Variants in PLEKHA3 observed in about 807,000 individuals in gnomAD.
PLEKHA3 encodes the protein pleckstrin homology domain-containing family A member 3.
A neutral mutation model predicts 39.2 loss-of-function variants in PLEKHA3; 19 were observed. That is an observed-to-expected ratio of 0.48 (90% CI 0.34 to 0.71). PLEKHA3 has a LOEUF of 0.71. PLEKHA3 is among the 30% of genes least tolerant of loss of function. The pLI, the probability that PLEKHA3 is intolerant of heterozygous loss-of-function variation, is 0.01. For synonymous variants in PLEKHA3, 97 were observed against 118.6 expected, an observed-to-expected ratio of 0.82 and a Z score of 1.18; for missense variants, 253 against 359.5, an observed-to-expected ratio of 0.70 and a Z score of 2.40.
At chr2:178,490,056 C>G (rs928139435) in intron 2 of PLEKHA3, among the ~76,000 whole-genome samples, 8 of 152,166 alleles carry the variant, frequency 5.3e-5, no homozygotes, top group Admixed American at 6.5e-5. Context: ...ATTGGCTCAT[C>G]ATAATTCCTG....
At chr2:178,491,079 C>T (rs1017046956) in intron 3 of PLEKHA3, among the ~76,000 whole-genome samples, 9 of 146,466 alleles carry the variant, frequency 6.1e-5, no homozygotes, top group Admixed American at 2.1e-4. Context: ...GGCGCGATCT[C>T]GGCTTACTGC....
rs1685598512 is a variant in PLEKHA3 at position 178,506,169 on chromosome 2, G to A, written c.*2282G>A. On this transcript the variant is annotated 3_prime_UTR_variant, in exon 8 of 8. Transcript: ENST00000234453. ...TCTATACTTTATAGAAAAATTATTG[G>A]TTATTATTAGTTATTAGTAGTCCCT... 6.6e-6 allele frequency: 1 copy of A among 152,006 alleles called. No homozygotes were observed. The highest frequency in any genetic ancestry group is 2.1e-4 in the South Asian group (1 of 4,826). The allele number at this position is 152,006 out of a possible 1,614,324, so 9.4% of individuals were successfully genotyped here. A position where few individuals can be genotyped will look rare whatever the true frequency, so the allele number is the denominator to read the frequency against.
Position 178,505,812 on chromosome 2 carries a change from T to C in PLEKHA3, c.*1925T>C, listed in dbSNP as rs1200970195. ...AAAATACAATGCAATTATTTCTGGT[T>C]TGTATCATTTTTTCCCCCTTAAAAC... On this transcript the variant is annotated 3_prime_UTR_variant, in exon 8 of 8. Coordinates refer to ENST00000234453, the MANE Select transcript of PLEKHA3 (RefSeq NM_019091.4). 1 of 152,104 alleles carries C rather than the reference T, an allele frequency of 6.6e-6. No individual in the cohort carries two copies. The highest frequency in any genetic ancestry group is 2.4e-5 in the African/African-American group (1 of 41,442). The allele number at this position is 152,104 out of a possible 1,614,324, so 9.4% of individuals were successfully genotyped here.
intron 4 of PLEKHA3, 152 bp from the exon 5 acceptor site, chr2:178,495,344 A>C: frequency 1.5e-6 from 1 of 672,072 alleles, no homozygotes. Context: ...TTTTTGCCCC[A>C]GCTTAATTTT....
Position 178,495,679 on chromosome 2 carries a change from G to T in PLEKHA3, c.615+19G>T. On this transcript the variant is annotated intron_variant, in intron 5 of 7. Transcript: ENST00000234453. ...TCAAATGGTTTGAACTTCTTGTTTTGGTTTTTTCCCTCAGTAGTAATGTTG... is the reference window on the plus strand; with the variant it reads ...TCAAATGGTTTGAACTTCTTGTTTTTGTTTTTTCCCTCAGTAGTAATGTTG... 2.5e-6 allele frequency: 4 copies of T among 1,573,802 alleles called. No individual in the cohort carries two copies. Among genetic ancestry groups the T allele is most frequent in the South Asian group, 1.2e-5 (1 of 86,218 alleles).
chr2:178,500,288 TACTC>T (rs1387500169), intron 6 of PLEKHA3, among the ~76,000 whole-genome samples: 1 of 152,088 alleles, frequency 6.6e-6, no homozygotes, highest in Non-Finnish European at 1.5e-5. Context: ...AACTGTCAAA[TACTC>T]AGAGGAATCC....
At chr2:178,482,010 C>A (rs1685174238) in intron 1 of PLEKHA3, 1 of 153,730 alleles carries the variant, frequency 6.5e-6, no homozygotes, top group South Asian at 2.1e-4. Flanking sequence ...CACTGAGCTA[C>A]AGTTATACCT....
rs1685664304 is a variant in PLEKHA3, at chr2:178,510,357, A to G, written c.*6470A>G. The G allele has an allele frequency of 6.5e-6, 1 of 153,792 alleles. No homozygotes were observed. Among genetic ancestry groups the G allele is most frequent in the Non-Finnish European group, 1.5e-5 (1 of 68,048 alleles). The allele number at this position is 153,792 out of a possible 1,614,324, so 9.5% of individuals were successfully genotyped here. Reference sequence around the variant, plus strand: ...ATTATATTTTGTTTTTATCATATAAATATGAAGTATAGGAGATAAGATAAT... The same window carrying G: ...ATTATATTTTGTTTTTATCATATAAGTATGAAGTATAGGAGATAAGATAAT... On this transcript the variant is annotated 3_prime_UTR_variant, in exon 8 of 8. Transcript: ENST00000234453.
intron 5 of PLEKHA3, among the ~76,000 whole-genome samples, chr2:178,496,664 A>AAATGATAT (rs1685452403): frequency 1.3e-5 from 2 of 152,296 alleles, no homozygotes; most frequent in South Asian, 4.1e-4. Flanking sequence ...AGGTTAACTT[A>AAATGATAT]AATGATATGA....
intron 2 of PLEKHA3, among the ~76,000 whole-genome samples, chr2:178,488,315 A>G (rs1048333149): frequency 1.3e-5 from 2 of 152,262 alleles, no homozygotes; most frequent in Admixed American, 6.5e-5. Flanking sequence ...TTTGAGGAAC[A>G]GAAGTTCTTC....
chr2:178,480,859 G>A lies in PLEKHA3; in HGVS notation c.-11G>A, dbSNP rs769133012. 7.6e-7 allele frequency: 1 copy of A among 1,318,814 alleles called. No homozygotes were observed. The highest frequency in any genetic ancestry group is 3.0e-5 in the Admixed American group (1 of 32,804). The allele number at this position is 1,318,814 out of a possible 1,614,324, so 81.7% of individuals were successfully genotyped here. ...CGGGCCGGGAGGATGCGCGGTGTGG[G>A]GCTCTGAAGCATGGAGGGGGTGTTG... On this transcript the variant is annotated 5_prime_UTR_variant, in exon 1 of 8. Coordinates refer to ENST00000234453, the MANE Select transcript of PLEKHA3 (RefSeq NM_019091.4).
intron 6 of PLEKHA3, among the ~76,000 whole-genome samples, chr2:178,500,825 T>G (rs1024119403): frequency 2.0e-5 from 3 of 152,100 alleles, no homozygotes; most frequent in African/African-American, 7.2e-5. Context: ...TCACTACTTC[T>G]TCATTGTACC....
At chr2:178,501,493 A>T (rs569889271) in intron 7 of PLEKHA3, among the ~76,000 whole-genome samples, 4 of 152,132 alleles carry the variant, frequency 2.6e-5, no homozygotes, top group African/African-American at 9.6e-5. Context: ...AATTGTTAGC[A>T]GGATTCTAGG....
chr2:178,498,766 T>C (rs977287895), intron 5 of PLEKHA3, among the ~76,000 whole-genome samples: 5 of 152,118 alleles, frequency 3.3e-5, no homozygotes, highest in African/African-American at 4.8e-5. Context: ...ACCTAAATAA[T>C]TAATGATAAA....
chr2:178,502,829 C>CAT (rs1663364652), intron 7 of PLEKHA3, among the ~76,000 whole-genome samples: 1 of 151,564 alleles, frequency 6.6e-6, no homozygotes, highest in Non-Finnish European at 1.5e-5. Flanking sequence ...CACACACGCG[C>CAT]ATACATATAG....
chr2:178,485,453 C>G lies in PLEKHA3; in HGVS notation c.41-188C>G, dbSNP rs549353483. Among the ~76,000 whole-genome samples the G allele has an allele frequency of 9.2e-5, 14 of 152,286 alleles. No individual in the cohort carries two copies. The East Asian group carries it at 2.5e-3, about 27-fold the overall frequency. On this transcript the variant is annotated intron_variant, in intron 1 of 7. Coordinates refer to ENST00000234453, the MANE Select transcript of PLEKHA3 (RefSeq NM_019091.4). ...CTGCTCTGGAGCTTGCTCCAGAAAC[C>G]TCTCCCAATAAAGTGGAGACTGATG...
intron 1 of PLEKHA3, among the ~76,000 whole-genome samples, chr2:178,485,412 A>G (rs1015135440): frequency 6.6e-6 from 1 of 151,950 alleles, no homozygotes; most frequent in African/African-American, 2.4e-5. Flanking sequence ...TAGAAGTATT[A>G]CTCCCCGTGT....
In PLEKHA3 at chr2:178,516,316, T is replaced by G. The variant is rs1415027764; in HGVS notation, c.*12429T>G. On this transcript the variant is annotated 3_prime_UTR_variant, in exon 8 of 8. Transcript: ENST00000234453. The stretch of plus-strand genomic sequence containing the variant: ...ATTCCCAGGGGAAAATAAACTTCAT[T>G]TAAAAATATATGTATACTTATTTTG... 6.6e-6 allele frequency: 1 copy of G among 152,184 alleles called. No homozygotes were observed. The highest frequency in any genetic ancestry group is 1.5e-5 in the Non-Finnish European group (1 of 68,024). The allele number at this position is 152,184 out of a possible 1,614,324, so 9.4% of individuals were successfully genotyped here.
At chr2:178,481,757 G>A (rs1159965534) in intron 1 of PLEKHA3, 2 of 151,872 alleles carry the variant, frequency 1.3e-5, no homozygotes, top group Non-Finnish European at 3.0e-5. Flanking sequence ...ATTTTGCCCC[G>A]GGATGCCTTC....
Sources: gnomAD v4.1 joint callset for allele counts (sites outside exome capture counted in the v4.1 genomes callset) on GRCh38, gnomAD v4.1.1 for gene constraint, MANE v1.5 for transcripts, NCBI Gene and HGNC (gene_info 2026-07-23, HGNC 2026-07-21) for gene names.